ABL1: variants seen among roughly 807,000 people sequenced by gnomAD.
ABL1 encodes ABL proto-oncogene 1, non-receptor tyrosine kinase, also known as tyrosine-protein kinase ABL1.
Under a neutral mutation model 94.7 loss-of-function variants are expected in ABL1, and 11 were observed. That is an observed-to-expected ratio of 0.12 (90% CI 0.07 to 0.19). ABL1 has a LOEUF of 0.19. ABL1 is among the 10% of genes least tolerant of loss of function. The pLI is 1.00. For synonymous variants in ABL1, 656 were observed against 622.4 expected, an observed-to-expected ratio of 1.05 and a Z score of -0.80; for missense variants, 1,082 against 1,489.4, an observed-to-expected ratio of 0.73 and a Z score of 4.50.
chr9:130,750,166 G>T (rs1831936920), intron 1 of ABL1, among the ~76,000 whole-genome samples: 1 of 140,028 alleles, frequency 7.1e-6, no homozygotes. Flanking sequence ...GGACAACAGA[G>T]ACCCTGACTC....
chr9:130,716,945 A>G (rs765993855), intron 1 of ABL1, among the ~76,000 whole-genome samples: 2 of 151,744 alleles, frequency 1.3e-5, no homozygotes, highest in African/African-American at 2.4e-5. Flanking sequence ...CCTCTGTGAT[A>G]TAGAGATTGG....
At chr9:130,806,105 T>G (rs1272088540) in intron 1 of ABL1, among the ~76,000 whole-genome samples, 1 of 152,164 alleles carries the variant, frequency 6.6e-6, no homozygotes, top group African/African-American at 2.4e-5. Flanking sequence ...GTGAAAATGG[T>G]GCTTCTGCAA....
intron 1 of ABL1, among the ~76,000 whole-genome samples, chr9:130,723,800 T>C (rs1359302798): frequency 6.6e-6 from 1 of 152,074 alleles, no homozygotes; most frequent in Non-Finnish European, 1.5e-5. Context: ...TTGTTTTTTA[T>C]TTTTTAACTT....
In ABL1 at chr9:130,835,491, G is replaced by A; in HGVS notation, c.45G>A (p.Lys15=). 6.4e-7 allele frequency: 1 copy of A among 1,564,816 alleles called. No homozygotes were observed. The highest frequency in any genetic ancestry group is 8.7e-7 in the Non-Finnish European group (1 of 1,154,254). ...AGCTGGTGGGCTGCAAATCCAAGAA[G>A]GGGCTGTCCTCGTCCTCCAGCTGTT... ...CLKLVGCKSK[K]GLSSSSSCYL... is the part of the protein sequence containing the mutation. The change falls in exon 1 of 11, where the codon AAG becomes AAA. Residue 15 remains lysine (K), a synonymous_variant. Transcript: ENST00000318560. This position sits in a 1 kb window ranked among gnomAD's most constrained non-coding sequence, Gnocchi z 4.6.
chr9:130,818,896 A>T (rs1342005835), intron 1 of ABL1, among the ~76,000 whole-genome samples: 1 of 152,126 alleles, frequency 6.6e-6, no homozygotes, highest in East Asian at 1.9e-4. Flanking sequence ...TCCCCCAAGA[A>T]CGCTTTCCTA....
intron 1 of ABL1, among the ~76,000 whole-genome samples, chr9:130,738,063 C>G (rs530356481): frequency 6.6e-6 from 1 of 152,040 alleles, no homozygotes; most frequent in Non-Finnish European, 1.5e-5. Flanking sequence ...AACTCCTGAC[C>G]TCGTGATCCG....
chr9:130,870,672 G>C (rs1389683231), intron 4 of ABL1, among the ~76,000 whole-genome samples: 1 of 152,186 alleles, frequency 6.6e-6, no homozygotes, highest in Non-Finnish European at 1.5e-5. Flanking sequence ...ACGGCCAATG[G>C]GGTGGTGACA....
Position 130,885,022 on chromosome 9 carries a change from G to C in ABL1, c.2732G>C (p.Gly911Ala), listed in dbSNP as rs2133038405. The C allele has an allele frequency of 6.2e-7, 1 of 1,611,648 alleles. No homozygotes were observed. The highest frequency in any genetic ancestry group is 8.5e-7 in the Non-Finnish European group (1 of 1,179,506). Reference protein sequence around the residue: ...PPPAASAGKAGGKPSQSPSQE... With the variant: ...PPPAASAGKAAGKPSQSPSQE... Reference sequence around the variant, plus strand: ...CCAGCAGCCTCTGCAGGGAAGGCTGGAGGAAAGCCCTCGCAGAGCCCGAGC... The same window carrying C: ...CCAGCAGCCTCTGCAGGGAAGGCTGCAGGAAAGCCCTCGCAGAGCCCGAGC... The change falls in exon 11 of 11, where the codon GGA (glycine) becomes GCA (alanine). Residue 911 changes from glycine (G) to alanine (A), a missense_variant. Physicochemically the swap from Gly to Ala is moderately conservative, Grantham distance 60. Transcript: ENST00000318560.
chr9:130,830,902 A>T (rs1019011669), upstream of ABL1, among the ~76,000 whole-genome samples: 2 of 152,216 alleles, frequency 1.3e-5, no homozygotes, highest in African/African-American at 4.8e-5. Flanking sequence ...TTTGTGACAC[A>T]TAACTCGTGA....
chr9:130,826,027 G>T (rs1042987340), intron 1 of ABL1, among the ~76,000 whole-genome samples: 7 of 152,212 alleles, frequency 4.6e-5, no homozygotes, highest in African/African-American at 1.7e-4. Flanking sequence ...TTTGAAGATA[G>T]GGGTTTTCCT....
chr9:130,839,953 G>A (rs1830646371), intron 1 of ABL1, among the ~76,000 whole-genome samples: 1 of 152,152 alleles, frequency 6.6e-6, no homozygotes, highest in African/African-American at 2.4e-5. Flanking sequence ...CGCATTCACC[G>A]AGGCTCACTG....
At chr9:130,785,325 CA>C (rs1168418558) in intron 1 of ABL1, among the ~76,000 whole-genome samples, 4 of 152,170 alleles carry the variant, frequency 2.6e-5, no homozygotes, top group Admixed American at 1.3e-4. Context: ...CAACCACACA[CA>C]CCCTGCAGGG....
intron 1 of ABL1, among the ~76,000 whole-genome samples, chr9:130,808,414 T>A (rs1830159966): frequency 6.6e-6 from 1 of 151,850 alleles, no homozygotes; most frequent in Non-Finnish European, 1.5e-5. Context: ...TGGCTAATTT[T>A]TGTATTTTTA....
At position 130,862,524 on chromosome 9, in the gene ABL1, C is replaced by T. The variant is rs1213147268; in HGVS notation, c.550-239C>T. ...AGTGGGAGATTTCAGGCAGAGGGAG[C>T]AGCAGCAGGTACAGAGGCCCTGAGG... On this transcript the variant is annotated intron_variant, in intron 3 of 10. Transcript: ENST00000318560. The surrounding 1 kb of genome is among the most constrained non-coding windows in gnomAD (Gnocchi z 5.5). 6.6e-6 allele frequency among the ~76,000 whole-genome samples: 1 copy of T among 152,166 alleles called. No homozygotes were observed. Among genetic ancestry groups the T allele is most frequent in the African/African-American group, 2.4e-5 (1 of 41,434 alleles).
intron 1 of ABL1, among the ~76,000 whole-genome samples, chr9:130,795,039 G>A (rs1433380350): frequency 6.6e-6 from 1 of 152,134 alleles, no homozygotes; most frequent in Non-Finnish European, 1.5e-5. Flanking sequence ...GTCCCTTCCC[G>A]TTTCTTCAGC....
rs1318644328 is a variant in ABL1, at chr9:130,718,476, A to T, written c.136+4021A>T. 2.0e-5 allele frequency among the ~76,000 whole-genome samples: 3 copies of T among 152,186 alleles called. No individual in the cohort carries two copies. In the South Asian group the frequency reaches 6.2e-4, roughly 32 times the overall value. On this transcript the variant is annotated intron_variant, in intron 1 of 10. Transcript: ENST00000372348. ...TTTTTAAATGAATAATTATGTTTTT[A>T]AATTTCAGTATTCATTTCTAATGTG... is the stretch of plus-strand genomic sequence containing the variant.
At chr9:130,776,625 T>C (rs1832314754) in intron 1 of ABL1, among the ~76,000 whole-genome samples, 1 of 150,284 alleles carries the variant, frequency 6.7e-6, no homozygotes, top group Non-Finnish European at 1.5e-5. Flanking sequence ...TTGAGGTCTT[T>C]GGGGGCTGCC....
At chr9:130,820,904 G>A (rs1167370477) in intron 1 of ABL1, among the ~76,000 whole-genome samples, 4 of 151,970 alleles carry the variant, frequency 2.6e-5, no homozygotes, top group Admixed American at 1.3e-4. Context: ...TTTATAGAGT[G>A]TGCACCATAA....
intron 1 of ABL1, among the ~76,000 whole-genome samples, chr9:130,739,484 A>G (rs1588217231): frequency 6.6e-6 from 1 of 152,200 alleles, no homozygotes. Flanking sequence ...TATAAAAACA[A>G]CATACATTTT....
Sources: gnomAD v4.1 joint callset for allele counts (sites outside exome capture counted in the v4.1 genomes callset) on GRCh38, gnomAD v4.1.1 for gene constraint, Gnocchi (gnomAD v3.1) non-coding constraint, MANE v1.5 for transcripts, NCBI Gene and HGNC (gene_info 2026-07-23, HGNC 2026-07-21) for gene names.